The following CACNA2D1 variants were observed in gnomAD, a reference collection of about 807,000 sequenced individuals.
CACNA2D1 encodes the protein calcium voltage-gated channel auxiliary subunit alpha2delta 1, also known as voltage-dependent calcium channel subunit alpha-2/delta-1.
Under a neutral mutation model 171.5 loss-of-function variants are expected in CACNA2D1, and 53 were observed. The ratio of observed to expected loss-of-function variants is 0.31; its 90% confidence interval spans 0.25 to 0.39. CACNA2D1 has a LOEUF of 0.39. Among genes scored for constraint, CACNA2D1 ranks in the 10% least tolerant of loss-of-function variants. The pLI, the probability that CACNA2D1 is intolerant of heterozygous loss-of-function variation, is 1.00. For missense variants in CACNA2D1, 903 were observed against 1,299.8 expected (o/e 0.69, Z 4.69); for synonymous variants, 442 against 443.1 (o/e 1.00, Z 0.03).
At chr7:82,438,933 T>C (rs566761307) in intron 1 of CACNA2D1, among the ~76,000 whole-genome samples, 1 of 152,300 alleles carries the variant, frequency 6.6e-6, no homozygotes, top group Non-Finnish European at 1.5e-5. Flanking sequence ...TTTCCCAAAA[T>C]GTTATGTATA....
At chr7:82,070,521 T>A (rs1808201192) in intron 7 of CACNA2D1, among the ~76,000 whole-genome samples, 1 of 152,156 alleles carries the variant, frequency 6.6e-6, no homozygotes, top group South Asian at 2.1e-4. Context: ...AGCTGGGAGA[T>A]CTTTTGCCTC....
At chr7:82,168,840 G>C (rs1017938016) in intron 4 of CACNA2D1, among the ~76,000 whole-genome samples, 1 of 151,954 alleles carries the variant, frequency 6.6e-6, no homozygotes, top group Non-Finnish European at 1.5e-5. Context: ...ATGAATTTAA[G>C]GCAAAGAAAA....
rs890032303 is a variant in CACNA2D1 at position 81,961,379 on chromosome 7, T to G, written c.2966+515A>C. 9.9e-5 allele frequency among the ~76,000 whole-genome samples: 15 copies of G among 151,960 alleles called. No individual in the cohort carries two copies. In the East Asian group the frequency reaches 2.9e-3, roughly 29 times the overall value. On this transcript the variant is annotated intron_variant, in intron 36 of 38. Coordinates refer to ENST00000356860, the MANE Select transcript of CACNA2D1 (RefSeq NM_000722.4). ...CTGTATTTTTCCCAGTTCCTTCAAA[T>G]TCAAATAAAGATAACATTCAGTTCT... is the stretch of plus-strand genomic sequence containing the variant.
intron 1 of CACNA2D1, among the ~76,000 whole-genome samples, chr7:82,409,477 G>T (rs1827413742): frequency 6.6e-6 from 1 of 152,154 alleles, no homozygotes; most frequent in African/African-American, 2.4e-5. Context: ...GCAGAAACTA[G>T]TTACTGTTAG....
chr7:82,147,828 G>A (rs1335432975), intron 4 of CACNA2D1, among the ~76,000 whole-genome samples: 1 of 152,122 alleles, frequency 6.6e-6, no homozygotes, highest in East Asian at 1.9e-4. Flanking sequence ...AGAACATTAG[G>A]TTGGTAATCA....
chr7:82,235,541 T>C (rs558888823), intron 3 of CACNA2D1, among the ~76,000 whole-genome samples: 3 of 152,178 alleles, frequency 2.0e-5, no homozygotes, highest in Admixed American at 1.3e-4. Context: ...AATTTTGTTA[T>C]ACCAAGGAAG....
intron 1 of CACNA2D1, among the ~76,000 whole-genome samples, chr7:82,374,687 G>T (rs1025991373): frequency 6.6e-6 from 1 of 151,670 alleles, no homozygotes; most frequent in Non-Finnish European, 1.5e-5. Flanking sequence ...ATACAGCAGT[G>T]CTTTGCACAA....
At chr7:82,133,800 CG>C (rs1265278357) in intron 5 of CACNA2D1, among the ~76,000 whole-genome samples, 3 of 152,132 alleles carry the variant, frequency 2.0e-5, no homozygotes, top group Non-Finnish European at 4.4e-5. Context: ...GGGCCGGGCA[CG>C]GTGGCTCACG....
At chr7:81,988,226 C>G (rs573862702) in intron 21 of CACNA2D1, among the ~76,000 whole-genome samples, 1 of 152,068 alleles carries the variant, frequency 6.6e-6, no homozygotes, top group Non-Finnish European at 1.5e-5. Flanking sequence ...AAGAGACAGA[C>G]CTTCAAGATT....
Position 82,038,245 on chromosome 7 carries a change from A to T in CACNA2D1, c.880-10T>A, listed in dbSNP as rs1172160373. 6.2e-7 allele frequency: 1 copy of T among 1,606,630 alleles called. No homozygotes were observed. The highest frequency in any genetic ancestry group is 1.1e-5 in the South Asian group (1 of 90,832). ...GAGCATTGCTGTTAAACTGCAAAAG[A>T]TTAAAAAGTAAATATATAAATGAAC... is the stretch of plus-strand genomic sequence containing the variant. On this transcript the variant is annotated splice_polypyrimidine_tract_variant and intron_variant, in intron 10 of 38. Transcript: ENST00000356860.
At chr7:81,995,441 A>G (rs1457961983) in intron 19 of CACNA2D1, among the ~76,000 whole-genome samples, 1 of 152,174 alleles carries the variant, frequency 6.6e-6, no homozygotes, top group Non-Finnish European at 1.5e-5. Context: ...AACTATAAAC[A>G]CCTATTTGGA....
chr7:82,096,282 A>G (rs1427826886), intron 6 of CACNA2D1, among the ~76,000 whole-genome samples: 1 of 152,044 alleles, frequency 6.6e-6, no homozygotes, highest in African/African-American at 2.4e-5. Flanking sequence ...TTCCCATAAA[A>G]CTGTATTTAT....
rs533025081 is a variant in CACNA2D1 at position 81,965,591 on chromosome 7, T to G, written c.2574+3A>C. 1.3e-6 allele frequency: 2 copies of G among 1,508,436 alleles called. No homozygotes were observed. Among genetic ancestry groups the G allele is most frequent in the East Asian group, 2.3e-5 (1 of 44,194 alleles). The allele number at this position is 1,508,436 out of a possible 1,614,324, so 93.4% of individuals were successfully genotyped here. On this transcript the variant is annotated splice_donor_region_variant and intron_variant, in intron 32 of 38. Transcript: ENST00000356860. ...CTAATTCCCTCTTATTTGAGGTACA[T>G]ACCTGATTAGTATAATCATCATGAT...
chr7:82,041,833 C>A (rs953954176), intron 10 of CACNA2D1, among the ~76,000 whole-genome samples: 2 of 152,018 alleles, frequency 1.3e-5, no homozygotes, highest in Non-Finnish European at 2.9e-5. Flanking sequence ...AGTAAAGTGA[C>A]CTTAGAGAAT....
At chr7:82,288,781 G>T (rs1005036568) in intron 3 of CACNA2D1, among the ~76,000 whole-genome samples, 1 of 152,142 alleles carries the variant, frequency 6.6e-6, no homozygotes, top group South Asian at 2.1e-4. Context: ...AATAAGTTTA[G>T]GCATGAATTC....
At chr7:82,127,307 A>G (rs1278906620) in intron 5 of CACNA2D1, among the ~76,000 whole-genome samples, 1 of 152,204 alleles carries the variant, frequency 6.6e-6, no homozygotes, top group African/African-American at 2.4e-5. Context: ...CATCCATAGT[A>G]AAAGCTAGCT....
intron 19 of CACNA2D1, among the ~76,000 whole-genome samples, chr7:81,995,196 A>G (rs1797917507): frequency 6.6e-6 from 1 of 152,176 alleles, no homozygotes; most frequent in Non-Finnish European, 1.5e-5. Flanking sequence ...AGTTTTTGAA[A>G]CGTAATTAAT....
rs77401735 is a variant in CACNA2D1, at chr7:82,024,320, T to C, written c.1143+8477A>G. ...CCACATCCTCCCCAACACTTGTCTT[T>C]TGTTTCTTTGATGACAGCAATCCTG... On this transcript the variant is annotated intron_variant, in intron 12 of 38. Coordinates refer to ENST00000356860, the MANE Select transcript of CACNA2D1 (RefSeq NM_000722.4). 1.6e-3 allele frequency among the ~76,000 whole-genome samples: 245 copies of C among 151,874 alleles called. 4 individuals are homozygous for C. In the East Asian group the frequency reaches 0.018, roughly 11 times the overall value.
intron 5 of CACNA2D1, among the ~76,000 whole-genome samples, chr7:82,131,877 T>C (rs1317041834): frequency 6.6e-6 from 1 of 152,156 alleles, no homozygotes; most frequent in Non-Finnish European, 1.5e-5. Context: ...CCAACGCATA[T>C]ATAAAGTTGT....
Sources: gnomAD v4.1 joint callset for allele counts (sites outside exome capture counted in the v4.1 genomes callset) on GRCh38, gnomAD v4.1.1 for gene constraint, MANE v1.5 for transcripts, NCBI Gene and HGNC (gene_info 2026-07-23, HGNC 2026-07-21) for gene names.